The following ZMPSTE24 variants were observed in gnomAD, a reference collection of about 807,000 sequenced individuals.
ZMPSTE24 encodes zinc metallopeptidase STE24, also known as CAAX prenyl protease 1 homolog.
A neutral mutation model predicts 56.7 loss-of-function variants in ZMPSTE24; 48 were observed. The observed-to-expected ratio is 0.85, with a 90% CI of 0.67 to 1.08. The LOEUF is 1.08. Among genes scored for constraint, ZMPSTE24 ranks in the 50% least tolerant of loss-of-function variants. The probability of loss-of-function intolerance (pLI) is 0.00; values close to 1 mark genes in which losing one functional copy is unlikely to be tolerated. For missense variants in ZMPSTE24, 503 were observed against 548.7 expected, an observed-to-expected ratio of 0.92 and a Z score of 0.83; for synonymous variants, 172 against 195.2, an observed-to-expected ratio of 0.88 and a Z score of 0.99.
rs534939647 is a variant in ZMPSTE24, at chr1:40,283,977, C to T, written c.955-1948C>T. Among the ~76,000 whole-genome samples the T allele has an allele frequency of 1.3e-4, 19 of 147,274 alleles. No individual in the cohort carries two copies. In the South Asian group the frequency reaches 3.0e-3, roughly 23 times the overall value. On this transcript the variant is annotated intron_variant, in intron 7 of 9. Coordinates refer to ENST00000372759, the MANE Select transcript of ZMPSTE24 (RefSeq NM_005857.5). Reference sequence around the variant, plus strand: ...TTTTTGAGATGTAGTCTTGCCCTCTCGCCCAGGCTGGAGTGCAGTGGCGCG... The same window carrying T: ...TTTTTGAGATGTAGTCTTGCCCTCTTGCCCAGGCTGGAGTGCAGTGGCGCG...
At chr1:40,266,911 GAATCATGCCACCAT>G (rs1264404448) in intron 2 of ZMPSTE24, among the ~76,000 whole-genome samples, 1 of 151,738 alleles carries the variant, frequency 6.6e-6, no homozygotes, top group Non-Finnish European at 1.5e-5. Flanking sequence ...TGGGACCACA[GAATCATGCCACCAT>G]AATTGGCTCA....
chr1:40,278,486 A>G (rs1416575951), intron 6 of ZMPSTE24, among the ~76,000 whole-genome samples: 3 of 127,442 alleles, frequency 2.4e-5, no homozygotes, highest in Non-Finnish European at 4.7e-5. Flanking sequence ...TGAACCCGGG[A>G]GGCGGAGCTT....
intron 2 of ZMPSTE24, among the ~76,000 whole-genome samples, chr1:40,262,428 A>C (rs892193127): frequency 6.6e-6 from 1 of 152,212 alleles, no homozygotes; most frequent in African/African-American, 2.4e-5. Context: ...GCTTTAGTTA[A>C]TTTATCTGAG....
Position 40,268,417 on chromosome 1 carries a change from A to G in ZMPSTE24, c.358-2A>G, listed in dbSNP as rs1643578141. ...TGGATTTTTGTTTTTTCTTTTGTTT[A>G]GATCACTCAGTCCCTGGTGTTTCTG... On this transcript the variant is annotated splice_acceptor_variant, in intron 3 of 9. Coordinates refer to ENST00000372759, the MANE Select transcript of ZMPSTE24 (RefSeq NM_005857.5). LOFTEE classifies it high-confidence loss of function. The G allele has an allele frequency of 1.9e-6, 3 of 1,607,442 alleles. No individual in the cohort carries two copies. The highest frequency in any genetic ancestry group is 2.6e-6 in the Non-Finnish European group (3 of 1,176,288).
chr1:40,269,135 G>T (rs1298967480), intron 4 of ZMPSTE24, among the ~76,000 whole-genome samples: 2 of 149,538 alleles, frequency 1.3e-5, no homozygotes, highest in Non-Finnish European at 3.0e-5. Context: ...AGTGGCTCAC[G>T]CCTGTAATCC....
At position 40,281,443 on chromosome 1, in the gene ZMPSTE24, A is replaced by G. The variant is rs770720628; in HGVS notation, c.870A>G (p.Leu290=). The G allele has an allele frequency of 5.0e-6, 8 of 1,614,038 alleles. No homozygotes were observed. In the Admixed American group the frequency reaches 1.3e-4, roughly 27 times the overall value. The stretch of plus-strand genomic sequence containing the variant: ...CTCTACTAGAAGAGTACTCTGTACT[A>G]AACAAAGACATCCAGGAGGATTCTG... ...FDTLLEEYSV[L]NKDIQEDSGM... The change falls in exon 7 of 10, where the codon CTA becomes CTG. Residue 290 remains leucine, a synonymous_variant. Transcript: ENST00000372759.
intron 1 of ZMPSTE24, 100 bp downstream of exon 1, chr1:40,258,494 C>T (rs1643461526): frequency 6.3e-7 from 1 of 1,590,924 alleles, no homozygotes; most frequent in Non-Finnish European, 8.5e-7. Flanking sequence ...GTCCCCGCGC[C>T]AGTCTCGTCT....
intron 6 of ZMPSTE24, among the ~76,000 whole-genome samples, chr1:40,273,134 T>C (rs1018615477): frequency 6.6e-6 from 1 of 152,138 alleles, no homozygotes; most frequent in Non-Finnish European, 1.5e-5. Flanking sequence ...GATGAAGGAA[T>C]AGAAGCAGAA....
intron 2 of ZMPSTE24, among the ~76,000 whole-genome samples, chr1:40,264,195 G>C (rs369682811): frequency 1.3e-5 from 2 of 152,156 alleles, no homozygotes; most frequent in African/African-American, 4.8e-5. Flanking sequence ...TTAGCCTGGC[G>C]TGTTGGCACA....
At chr1:40,266,513 A>G (rs1325228084) in intron 2 of ZMPSTE24, among the ~76,000 whole-genome samples, 1 of 152,164 alleles carries the variant, frequency 6.6e-6, no homozygotes, top group Admixed American at 6.5e-5. Flanking sequence ...ACCAAGACAA[A>G]GGGTGGTGCT....
intron 6 of ZMPSTE24, among the ~76,000 whole-genome samples, chr1:40,276,958 A>G (rs1193459175): frequency 6.6e-6 from 1 of 152,148 alleles, no homozygotes; most frequent in African/African-American, 2.4e-5. Context: ...TTTCAGCTTT[A>G]TTATAATTTT....
At position 40,293,605 on chromosome 1, in the gene ZMPSTE24, A is replaced by T. The variant is rs1643863482; in HGVS notation, c.*936A>T. ...ATCTCTGTGACATTACAGGGAAAAA[A>T]ATATAGTTTTCTATCTCTTTCAAGG... On this transcript the variant is annotated 3_prime_UTR_variant, in exon 10 of 10. Transcript: ENST00000372759. 1 of 152,242 alleles carries T rather than the reference A, an allele frequency of 6.6e-6. No homozygotes were observed. The highest frequency in any genetic ancestry group is 2.4e-5 in the African/African-American group (1 of 41,456). 9.4% of individuals were successfully genotyped at this position (152,242 alleles called of 1,614,324 possible). A position where few individuals can be genotyped will look rare whatever the true frequency, so the allele number is the denominator to read the frequency against.
Position 40,292,819 on chromosome 1 carries a change from A to G in ZMPSTE24, c.*150A>G, listed in dbSNP as rs1643857526. On this transcript the variant is annotated 3_prime_UTR_variant, in exon 10 of 10. Coordinates refer to ENST00000372759, the MANE Select transcript of ZMPSTE24 (RefSeq NM_005857.5). The stretch of plus-strand genomic sequence containing the variant: ...ATACATTTAATATGTCATTTTAAAA[A>G]TGATTTTAATAATTCATTTCTTAAA... 23 of 612,924 alleles carry G rather than the reference A, an allele frequency of 3.8e-5. No individual in the cohort carries two copies. In the East Asian group the frequency reaches 6.8e-4, roughly 18 times the overall value. The allele number at this position is 612,924 out of a possible 1,614,324, so 38.0% of individuals were successfully genotyped here.
rs1309226844 is a variant in ZMPSTE24 at position 40,270,027 on chromosome 1, G to A, written c.527G>A (p.Cys176Tyr). The A allele has an allele frequency of 6.2e-7, 1 of 1,613,912 alleles. No homozygotes were observed. Among genetic ancestry groups the A allele is most frequent in the Non-Finnish European group, 8.5e-7 (1 of 1,179,954 alleles). ...ATCAAGAAATTTGTTGTGACTCAGT[G>A]TATTTTGTTGCCTGTGTCTTCACTT... ...DAIKKFVVTQ[C>Y]ILLPVSSLLL... Residue 176 changes from cysteine (C) to tyrosine (Y), a missense_variant, in exon 5 of 10, where the codon TGT becomes TAT. Coordinates refer to ENST00000372759, the MANE Select transcript of ZMPSTE24 (RefSeq NM_005857.5).
In ZMPSTE24 at chr1:40,285,970, G is replaced by A. The variant is rs1430313837; in HGVS notation, c.1000G>A (p.Gly334Ser). 1.9e-6 allele frequency: 3 copies of A among 1,613,864 alleles called. No individual in the cohort carries two copies. Among genetic ancestry groups the A allele is most frequent in the Admixed American group, 1.7e-5 (1 of 59,980 alleles). Residue 334 changes from glycine to serine, a missense_variant, in exon 8 of 10, where the codon GGC (glycine) becomes AGC (serine). By Grantham distance (56) the Gly-to-Ser change is moderately conservative. Transcript: ENST00000372759. The stretch of plus-strand genomic sequence containing the variant: ...AAATGAGGAGGTACTCGCTGTACTA[G>A]GCCATGAACTGGGGCACTGGAAGTT... The part of the protein sequence containing the change: ...CKNEEVLAVL[G>S]HELGHWKLGH...
At chr1:40,283,837 C>G (rs1292041081) in intron 7 of ZMPSTE24, among the ~76,000 whole-genome samples, 1 of 151,920 alleles carries the variant, frequency 6.6e-6, no homozygotes, top group Non-Finnish European at 1.5e-5. Context: ...ATACTGAACT[C>G]TCCTATCTTT....
At chr1:40,274,519 A>G (rs565498561) in intron 6 of ZMPSTE24, among the ~76,000 whole-genome samples, 8 of 152,322 alleles carry the variant, frequency 5.3e-5, no homozygotes, top group African/African-American at 1.9e-4. Flanking sequence ...TTTGACGTCA[A>G]TGGGAAGATG....
chr1:40,281,619 G>A (rs1643730511), intron 7 of ZMPSTE24, 92 bp downstream of exon 7: 10 of 1,329,802 alleles, frequency 7.5e-6, no homozygotes, highest in South Asian at 2.5e-5. Flanking sequence ...GGCAGTGAGT[G>A]TTGAATTCAG....
chr1:40,281,223 C>A, intron 6 of ZMPSTE24, 120 bp from the exon 7 acceptor site: 1 of 1,007,914 alleles, frequency 9.9e-7, no homozygotes, highest in Non-Finnish European at 1.5e-6. Flanking sequence ...GATTTTTCTT[C>A]ACATATTAAA....
Sources: allele counts gnomAD v4.1 joint callset (sites outside exome capture counted in the v4.1 genomes callset), GRCh38; gene constraint gnomAD v4.1.1; transcripts MANE v1.5; gene names NCBI Gene and HGNC (gene_info 2026-07-23, HGNC 2026-07-21).